The following ZNF410 variants were observed in gnomAD, a reference collection of about 807,000 sequenced individuals.
ZNF410 encodes zinc finger protein 410, also known as another partner for ARF 1.
In ZNF410, 18 loss-of-function variants were observed where a neutral mutation model predicts 54.8. The observed-to-expected ratio is 0.33, with a 90% CI of 0.23 to 0.49. The LOEUF (loss-of-function observed/expected upper bound fraction) is 0.49. ZNF410 is among the 20% of genes least tolerant of loss of function. ZNF410 has a pLI of 0.99. For missense variants in ZNF410, 405 were observed against 569.6 expected (o/e 0.71, Z 2.94); for synonymous variants, 191 against 207.3 (o/e 0.92, Z 0.68).
intron 8 of ZNF410, among the ~76,000 whole-genome samples, chr14:73,918,568 A>C (rs1411667597): frequency 6.6e-6 from 1 of 152,064 alleles, no homozygotes; most frequent in Non-Finnish European, 1.5e-5. Context: ...ATGATTAAAA[A>C]AAGAAAAAGA....
chr14:73,888,632 C>G (rs997876878), intron 1 of ZNF410, among the ~76,000 whole-genome samples: 3 of 152,152 alleles, frequency 2.0e-5, no homozygotes, highest in Admixed American at 2.0e-4. Flanking sequence ...TGAACGATAT[C>G]TTAGTGAAAC....
At chr14:73,897,843 A>C (rs936298306) in intron 4 of ZNF410, among the ~76,000 whole-genome samples, 2 of 151,948 alleles carry the variant, frequency 1.3e-5, no homozygotes, top group African/African-American at 2.4e-5. Flanking sequence ...GTGGTGGTGC[A>C]TGCCTGTAAT....
At position 73,931,593 on chromosome 14, in the gene ZNF410, A is replaced by G; in HGVS notation, c.*52A>G. ...AACTCTATCTGATCTCAAAATGCGT[A>G]TACTGGGAACAGGATGCCTTAGCCC... On this transcript the variant is annotated 3_prime_UTR_variant, in exon 12 of 12. Coordinates refer to ENST00000555044, the MANE Select transcript of ZNF410 (RefSeq NM_021188.3). 2.6e-6 allele frequency: 4 copies of G among 1,562,406 alleles called. No individual in the cohort carries two copies. Among genetic ancestry groups the G allele is most frequent in the Non-Finnish European group, 3.5e-6 (4 of 1,135,708 alleles).
At chr14:73,925,407 A>T (rs2055814922) in intron 11 of ZNF410, among the ~76,000 whole-genome samples, 1 of 151,598 alleles carries the variant, frequency 6.6e-6, no homozygotes. Context: ...TGAGAGCGGC[A>T]GCTCACACCT....
intron 8 of ZNF410, among the ~76,000 whole-genome samples, chr14:73,911,429 T>C (rs34910004): frequency 1.4e-3 from 208 of 152,300 alleles, no homozygotes; most frequent in Non-Finnish European, 2.4e-3. Flanking sequence ...TGGAGAGTTA[T>C]AAACAATCAG....
chr14:73,922,675 C>G (rs2055773647), intron 10 of ZNF410: 1 of 152,650 alleles, frequency 6.6e-6, no homozygotes, highest in African/African-American at 2.4e-5. Flanking sequence ...AGGCCAGGCC[C>G]TCTTCTCTGA....
chr14:73,902,672 T>TA (rs1197633241), intron 5 of ZNF410, among the ~76,000 whole-genome samples: 1 of 152,196 alleles, frequency 6.6e-6, no homozygotes, highest in Non-Finnish European at 1.5e-5. Flanking sequence ...AGTGGAAAGA[T>TA]ACACTGCCTG....
chr14:73,906,848 T>C (rs1047258880), intron 7 of ZNF410, among the ~76,000 whole-genome samples: 2 of 152,132 alleles, frequency 1.3e-5, no homozygotes, highest in African/African-American at 4.8e-5. Context: ...TCTTTCTAGC[T>C]TTTATCTCTG....
At chr14:73,895,350 C>T (rs759141028) in intron 3 of ZNF410, 4 of 151,956 alleles carry the variant, frequency 2.6e-5, no homozygotes, top group African/African-American at 4.8e-5. Flanking sequence ...TTATGGAAAC[C>T]GTATGGAAGT....
intron 8 of ZNF410, among the ~76,000 whole-genome samples, chr14:73,911,115 A>G (rs1321144055): frequency 6.6e-6 from 1 of 152,208 alleles, no homozygotes; most frequent in Non-Finnish European, 1.5e-5. Flanking sequence ...ATGAGGACAT[A>G]GCTGAGAGTA....
chr14:73,891,925 G>A, intron 1 of ZNF410, 102 bp from the exon 2 acceptor site: 1 of 613,006 alleles, frequency 1.6e-6, no homozygotes. Context: ...TTATTTGCTT[G>A]CTTGTTGTGA....
chr14:73,906,448 C>T (rs974570076), intron 7 of ZNF410: 7 of 152,070 alleles, frequency 4.6e-5, no homozygotes, highest in Admixed American at 2.6e-4. Context: ...GCATTTGATA[C>T]CTCTGAACAT....
intron 5 of ZNF410, among the ~76,000 whole-genome samples, chr14:73,900,592 C>G (rs1307380182): frequency 6.6e-6 from 1 of 152,058 alleles, no homozygotes; most frequent in East Asian, 1.9e-4. Context: ...CATGGCTGGT[C>G]TCAAACTCCT....
At chr14:73,928,644 C>T (rs571726114) in intron 11 of ZNF410, among the ~76,000 whole-genome samples, 2 of 152,210 alleles carry the variant, frequency 1.3e-5, no homozygotes, top group Admixed American at 6.6e-5. Flanking sequence ...ATAACACAGG[C>T]TGCCTAAAAA....
At chr14:73,924,834 G>A (rs1422133518) in intron 11 of ZNF410, 7 of 331,732 alleles carry the variant, frequency 2.1e-5, no homozygotes, top group South Asian at 4.5e-5. Flanking sequence ...GTGCCACCAC[G>A]CCCAGCTAAT....
chr14:73,909,383 C>G lies in ZNF410; in HGVS notation c.956C>G (p.Ser319Cys), dbSNP rs2055541470. Residue 319 changes from serine to cysteine, a missense_variant, in exon 8 of 12, where the codon TCC (serine) becomes TGC (cysteine). Coordinates refer to ENST00000555044, the MANE Select transcript of ZNF410 (RefSeq NM_021188.3). ...FLCEAQGCGR[S>C]FAEYSSLRKH... ...TGTGAAGCCCAAGGATGTGGCCGTT[C>G]CTTTGCTGAGTATTCTAGCCTCCGA... 1 of 1,614,084 alleles carries G rather than the reference C, an allele frequency of 6.2e-7. No homozygotes were observed. The highest frequency in any genetic ancestry group is 1.3e-5 in the African/African-American group (1 of 75,052).
Position 73,893,538 on chromosome 14 carries a change from A to ATT in ZNF410, c.34-258_34-257dup. 5 of 343,494 alleles carry ATT rather than the reference A, an allele frequency of 1.5e-5. No homozygotes were observed. The Admixed American group carries it at 2.2e-4, about 15-fold the overall frequency. 21.3% of individuals were successfully genotyped at this position (343,494 alleles called of 1,614,324 possible). A position where few individuals can be genotyped will look rare whatever the true frequency, so the allele number is the denominator to read the frequency against. ...GGAAAAAGTACAATAAAAATAGGAT[A>ATT]TTACAATCTCACAGGACCATCATCC... On this transcript the variant is annotated intron_variant, in intron 2 of 11. Coordinates refer to ENST00000555044, the MANE Select transcript of ZNF410 (RefSeq NM_021188.3).
At chr14:73,907,790 G>T (rs1376330371) in intron 7 of ZNF410, among the ~76,000 whole-genome samples, 4 of 152,080 alleles carry the variant, frequency 2.6e-5, no homozygotes, top group Admixed American at 2.6e-4. Context: ...CTACTAGGGA[G>T]GCTGAGGCAG....
chr14:73,927,844 TTTTTAA>T (rs1182773913), intron 11 of ZNF410: 2 of 153,698 alleles, frequency 1.3e-5, no homozygotes, highest in South Asian at 3.9e-4. Context: ...TTTTTTTTTT[TTTTTAA>T]TTTTTTAGAC....
Sources: allele counts gnomAD v4.1 joint callset (sites outside exome capture counted in the v4.1 genomes callset), GRCh38; gene constraint gnomAD v4.1.1; transcripts MANE v1.5; gene names NCBI Gene and HGNC (gene_info 2026-07-23, HGNC 2026-07-21).